Variants in SCG5 observed in about 807,000 individuals in gnomAD.
SCG5 encodes the protein secretogranin V.
SCG5 carries 18 observed loss-of-function variants against 25.7 expected under a neutral mutation model. That is an observed-to-expected ratio of 0.70 (90% CI 0.48 to 1.04). The LOEUF (loss-of-function observed/expected upper bound fraction) is 1.04. Ranked by LOEUF, SCG5 falls within the 50% of genes least tolerant of loss-of-function variation. The pLI is 0.00. For synonymous variants in SCG5, 101 were observed against 91.7 expected, an observed-to-expected ratio of 1.10 and a Z score of -0.58; for missense variants, 206 against 259.8, an observed-to-expected ratio of 0.79 and a Z score of 1.42.
intron 2 of SCG5, among the ~76,000 whole-genome samples, chr15:32,664,797 C>A (rs1367987464): frequency 6.6e-6 from 1 of 152,192 alleles, no homozygotes; most frequent in African/African-American, 2.4e-5. Flanking sequence ...TCTGCCAACA[C>A]ATGTGTATTG....
intron 2 of SCG5, among the ~76,000 whole-genome samples, chr15:32,644,216 T>C (rs1047001799): frequency 9.2e-5 from 14 of 152,176 alleles, no homozygotes; most frequent in African/African-American, 3.4e-4. Flanking sequence ...TCACTGCTGA[T>C]CTTCAGGAAA....
chr15:32,665,050 A>T (rs1238453679), intron 2 of SCG5, among the ~76,000 whole-genome samples: 4 of 152,102 alleles, frequency 2.6e-5, no homozygotes, highest in African/African-American at 9.7e-5. Context: ...AGATGAGTAA[A>T]CCCTTTGGGG....
intron 2 of SCG5, among the ~76,000 whole-genome samples, chr15:32,650,996 G>A (rs1228486997): frequency 6.6e-6 from 1 of 152,124 alleles, no homozygotes; most frequent in Non-Finnish European, 1.5e-5. Flanking sequence ...TCAGAAGTTC[G>A]AGACCAGCCT....
intron 4 of SCG5, among the ~76,000 whole-genome samples, chr15:32,686,510 A>G (rs1045047454): frequency 2.0e-5 from 3 of 152,218 alleles, no homozygotes; most frequent in African/African-American, 7.2e-5. Context: ...TCAGGTTCAT[A>G]TGAAATGGAC....
chr15:32,673,876 G>GGC (rs1356728984), intron 2 of SCG5, among the ~76,000 whole-genome samples: 1 of 152,010 alleles, frequency 6.6e-6, no homozygotes, highest in African/African-American at 2.4e-5. Flanking sequence ...TGGGATTACA[G>GGC]GCGCCTGCCT....
Position 32,696,824 on chromosome 15 carries a change from A to G in SCG5, c.*215A>G, listed in dbSNP as rs918658854. The G allele has an allele frequency of 7.2e-6, 3 of 417,230 alleles. No homozygotes were observed. Among genetic ancestry groups the G allele is most frequent in the Non-Finnish European group, 1.3e-5 (3 of 233,164 alleles). 25.8% of individuals were successfully genotyped at this position (417,230 alleles called of 1,614,324 possible). ...AGCTTTTTTGTTTCTTGGGTTTTTAAAATGTGAATCTGCAATGATCATAAA... is the reference window on the plus strand; with the variant it reads ...AGCTTTTTTGTTTCTTGGGTTTTTAGAATGTGAATCTGCAATGATCATAAA... On this transcript the variant is annotated 3_prime_UTR_variant, in exon 6 of 6. Transcript: ENST00000300175.
chr15:32,671,534 T>G (rs2054423553), intron 2 of SCG5, among the ~76,000 whole-genome samples: 2 of 151,228 alleles, frequency 1.3e-5, no homozygotes, highest in Admixed American at 6.6e-5. Context: ...TGCCTCTGTC[T>G]TCTTCTTTCC....
intron 2 of SCG5, among the ~76,000 whole-genome samples, chr15:32,647,162 C>G (rs566693091): frequency 3.2e-4 from 49 of 152,236 alleles, no homozygotes; most frequent in African/African-American, 1.1e-3. Context: ...AATTCACTTA[C>G]TTGTAAGCAG....
chr15:32,650,040 C>T (rs1219623527), intron 2 of SCG5, among the ~76,000 whole-genome samples: 2 of 152,206 alleles, frequency 1.3e-5, no homozygotes, highest in Non-Finnish European at 2.9e-5. Context: ...TTCCTCCTCT[C>T]ACTTTGTGGA....
chr15:32,642,901 C>T (rs955910636), intron 1 of SCG5, among the ~76,000 whole-genome samples: 1 of 152,150 alleles, frequency 6.6e-6, no homozygotes, highest in Admixed American at 6.6e-5. Context: ...CACAACAACC[C>T]TAAAAGGTAA....
chr15:32,663,135 ATAAT>A (rs1194678655), intron 2 of SCG5, among the ~76,000 whole-genome samples: 1 of 148,436 alleles, frequency 6.7e-6, no homozygotes, highest in African/African-American at 2.5e-5. Flanking sequence ...TATAACATAT[ATAAT>A]ATATGAATGG....
At chr15:32,643,005 C>G (rs2053890674) in intron 1 of SCG5, among the ~76,000 whole-genome samples, 1 of 152,122 alleles carries the variant, frequency 6.6e-6, no homozygotes, top group Admixed American at 6.5e-5. Context: ...CTCAAACTAC[C>G]CCAGCAGATT....
At chr15:32,684,971 T>C (rs537344738) in intron 4 of SCG5, among the ~76,000 whole-genome samples, 14 of 152,300 alleles carry the variant, frequency 9.2e-5, no homozygotes, top group African/African-American at 3.4e-4. Context: ...TTCACCAGTG[T>C]TTCATGCATC....
intron 2 of SCG5, among the ~76,000 whole-genome samples, chr15:32,646,182 G>A (rs2053941967): frequency 6.6e-6 from 1 of 152,158 alleles, no homozygotes; most frequent in Non-Finnish European, 1.5e-5. Context: ...TTGAATTTTA[G>A]TTTTCTATTA....
intron 2 of SCG5, among the ~76,000 whole-genome samples, chr15:32,670,891 G>C (rs1362197746): frequency 6.6e-6 from 1 of 152,212 alleles, no homozygotes; most frequent in East Asian, 1.9e-4. Flanking sequence ...ACAGGACCAT[G>C]ATCACCACAA....
chr15:32,647,401 G>C (rs1441805819), intron 2 of SCG5, among the ~76,000 whole-genome samples: 1 of 152,240 alleles, frequency 6.6e-6, no homozygotes, highest in Non-Finnish European at 1.5e-5. Flanking sequence ...CTTAACAAAT[G>C]TGTATATTTG....
rs1036522303 is a variant in SCG5, at chr15:32,695,257, C to T, written c.544-1257C>T. Among the ~76,000 whole-genome samples, 10 of 152,064 alleles carry T rather than the reference C, an allele frequency of 6.6e-5. No individual in the cohort carries two copies. The South Asian group carries it at 8.3e-4, about 13-fold the overall frequency. On this transcript the variant is annotated intron_variant, in intron 5 of 5. Coordinates refer to ENST00000300175, the MANE Select transcript of SCG5 (RefSeq NM_001144757.3). The stretch of plus-strand genomic sequence containing the variant: ...GTCTCGATCTCCTGACCTTGTGATC[C>T]GCCCACCTAGGCCTCCCAAAGTGCT...
intron 2 of SCG5, among the ~76,000 whole-genome samples, chr15:32,655,333 A>C (rs1225828130): frequency 1.3e-5 from 2 of 151,940 alleles, no homozygotes; most frequent in African/African-American, 4.8e-5. Flanking sequence ...AATTCTGGAG[A>C]TCATAGAGCA....
At chr15:32,656,825 T>G (rs1038385135) in intron 2 of SCG5, among the ~76,000 whole-genome samples, 11 of 152,106 alleles carry the variant, frequency 7.2e-5, no homozygotes, top group Admixed American at 4.6e-4. Flanking sequence ...GACCACAATT[T>G]CGCACCGCAA....
Sources: gnomAD v4.1 joint callset for allele counts (sites outside exome capture counted in the v4.1 genomes callset) on GRCh38, gnomAD v4.1.1 for gene constraint, MANE v1.5 for transcripts, NCBI Gene and HGNC (gene_info 2026-07-23, HGNC 2026-07-21) for gene names.